REV1: variants seen among roughly 807,000 people sequenced by gnomAD.
REV1 encodes the protein REV1 DNA directed polymerase.
Under a neutral mutation model 137.4 loss-of-function variants are expected in REV1, and 42 were observed. The observed-to-expected ratio is 0.31, with a 90% CI of 0.24 to 0.40. REV1 has a LOEUF of 0.40. REV1 is among the 10% of genes least tolerant of loss of function. The pLI, the probability that REV1 is intolerant of heterozygous loss-of-function variation, is 1.00. For missense variants in REV1, 1,282 were observed against 1,490.1 expected, an observed-to-expected ratio of 0.86 and a Z score of 2.30; for synonymous variants, 524 against 519.2, an observed-to-expected ratio of 1.01 and a Z score of -0.12.
chr2:99,445,477 C>G (rs909597067), intron 4 of REV1, among the ~76,000 whole-genome samples: 2 of 152,114 alleles, frequency 1.3e-5, no homozygotes, highest in Admixed American at 1.3e-4. Flanking sequence ...CTACAAGGAT[C>G]AACACAAAAT....
intron 1 of REV1, among the ~76,000 whole-genome samples, chr2:99,473,409 A>T (rs6542881): frequency 1.3e-5 from 2 of 150,892 alleles, no homozygotes; most frequent in Non-Finnish European, 1.5e-5. Context: ...AAAGAAAAAA[A>T]TTCAGACACC....
intron 2 of REV1, among the ~76,000 whole-genome samples, chr2:99,463,309 C>T (rs1684437018): frequency 6.6e-6 from 1 of 152,046 alleles, no homozygotes; most frequent in African/African-American, 2.4e-5. Flanking sequence ...CACCTGAGGT[C>T]AGGAGTTCGA....
At chr2:99,445,449 C>T (rs374695385) in intron 4 of REV1, among the ~76,000 whole-genome samples, 3 of 152,114 alleles carry the variant, frequency 2.0e-5, no homozygotes, top group Admixed American at 6.6e-5. Flanking sequence ...AAAAAACCCA[C>T]GCTACAAGGT....
intron 14 of REV1, 136 bp from the exon 15 acceptor site, chr2:99,408,267 T>C (rs539890889): frequency 6.8e-6 from 3 of 440,972 alleles, no homozygotes; most frequent in African/African-American, 6.1e-5. Flanking sequence ...GTGAATGCCA[T>C]AGTCTCCCTT....
At chr2:99,484,998 AAAT>A in intron 1 of REV1, among the ~76,000 whole-genome samples, 1 of 152,372 alleles carries the variant, frequency 6.6e-6, no homozygotes, top group East Asian at 1.9e-4. Context: ...AGCACACAGT[AAAT>A]AATAACTCAC....
intron 3 of REV1, among the ~76,000 whole-genome samples, chr2:99,454,591 A>ACC (rs1559377320): frequency 9.6e-5 from 12 of 125,198 alleles, no homozygotes; most frequent in South Asian, 2.8e-4. Context: ...AAAAAAAAAA[A>ACC]CCCAAAAATT....
chr2:99,462,411 G>T, intron 3 of REV1, 85 bp downstream of exon 3: 3 of 1,238,628 alleles, frequency 2.4e-6, no homozygotes, highest in South Asian at 2.9e-5. Flanking sequence ...TATAATAAAT[G>T]AGTAAAAATA....
At chr2:99,406,549 G>A in intron 15 of REV1, 59 bp from the exon 16 acceptor site, 1 of 1,366,496 alleles carries the variant, frequency 7.3e-7, no homozygotes, top group Non-Finnish European at 9.7e-7. Flanking sequence ...TATGAATTCA[G>A]CTAAGCAAAA....
intron 3 of REV1, among the ~76,000 whole-genome samples, chr2:99,454,550 C>CAAAAAAAAAAAAAAAAAAAAA (rs373850478): frequency 1.2e-5 from 1 of 82,340 alleles, no homozygotes; most frequent in African/African-American, 4.9e-5. Flanking sequence ...AACTCCAGCT[C>CAAAAAAAAAAAAAAAAAAAAA]AAAAAAAAAA....
chr2:99,422,885 G>A (rs1356620404), intron 10 of REV1, among the ~76,000 whole-genome samples: 1 of 152,108 alleles, frequency 6.6e-6, no homozygotes, highest in Non-Finnish European at 1.5e-5. Flanking sequence ...CCACAGTACT[G>A]ACCTCAGTCA....
intron 4 of REV1, among the ~76,000 whole-genome samples, chr2:99,447,382 G>C (rs7572779): frequency 0.43 from 65,464 of 151,850 alleles, 14,344 homozygotes; most frequent in Admixed American, 0.58. Flanking sequence ...AAGTTGGCCA[G>C]GATGTTCTCG....
intron 6 of REV1, 105 bp from the exon 7 acceptor site, chr2:99,436,046 G>A (rs553107268): frequency 1.4e-6 from 1 of 702,556 alleles, no homozygotes; most frequent in East Asian, 2.8e-5. Flanking sequence ...CTTACACCCA[G>A]AATGGAGTCT....
chr2:99,436,990 GTT>G (rs749608176), intron 6 of REV1, among the ~76,000 whole-genome samples: 16 of 128,850 alleles, frequency 1.2e-4, no homozygotes, highest in Non-Finnish European at 1.3e-4. Context: ...CTTTTTTTTT[GTT>G]TTTTTTTTTT....
intron 12 of REV1, 127 bp downstream of exon 12, chr2:99,418,701 C>A (rs1288653108): frequency 2.6e-6 from 2 of 759,288 alleles, no homozygotes; most frequent in Non-Finnish European, 3.9e-6. Context: ...TTTCATGGCA[C>A]TCAATAAGAC....
chr2:99,476,767 A>G (rs774331574), intron 1 of REV1, among the ~76,000 whole-genome samples: 6 of 152,196 alleles, frequency 3.9e-5, no homozygotes, highest in Non-Finnish European at 8.8e-5. Flanking sequence ...CAAATGCTGG[A>G]CACCAAGGCT....
intron 3 of REV1, among the ~76,000 whole-genome samples, chr2:99,453,892 C>CA (rs58291328): frequency 0.14 from 6,292 of 46,594 alleles, 569 homozygotes; most frequent in Non-Finnish European, 0.16. Flanking sequence ...GGCTCTGTCT[C>CA]AAAAAAAAAA....
chr2:99,421,723 T>C (rs1011055884), intron 10 of REV1, 70 bp from the exon 11 acceptor site: 40 of 1,472,796 alleles, frequency 2.7e-5, no homozygotes, highest in East Asian at 9.6e-5. Flanking sequence ...TGTTGCAAAA[T>C]AGTCTTCTTA....
chr2:99,410,668 C>T, intron 14 of REV1, 27 bp downstream of exon 14: 3 of 1,549,790 alleles, frequency 1.9e-6, no homozygotes, highest in Non-Finnish European at 2.6e-6. Context: ...AATATAATTA[C>T]CAATATCATT....
chr2:99,402,828 C>G (rs751972559), intron 20 of REV1, 28 bp from the exon 21 acceptor site: 1 of 1,613,566 alleles, frequency 6.2e-7, no homozygotes, highest in Admixed American at 1.7e-5. Flanking sequence ...GATAAAATTG[C>G]TATATTCACA....
Sources: gnomAD v4.1 joint callset for allele counts (sites outside exome capture counted in the v4.1 genomes callset) on GRCh38, gnomAD v4.1.1 for gene constraint, MANE v1.5 for transcripts, NCBI Gene and HGNC (gene_info 2026-07-23, HGNC 2026-07-21) for gene names.